Variants in SLC35B1 observed in about 807,000 individuals in gnomAD.
SLC35B1 encodes the protein solute carrier family 35 member B1, also known as ATP/ADP exchanger ER.
In SLC35B1, 27 loss-of-function variants were observed where a neutral mutation model predicts 36.6. That is an observed-to-expected ratio of 0.74 (90% CI 0.54 to 1.02). SLC35B1 has a LOEUF of 1.02. SLC35B1 is among the 50% of genes least tolerant of loss of function. The pLI is 0.00. For synonymous variants in SLC35B1, 162 were observed against 152.5 expected, an observed-to-expected ratio of 1.06 and a Z score of -0.46; for missense variants, 321 against 383.2, an observed-to-expected ratio of 0.84 and a Z score of 1.35.
At position 49,706,346 on chromosome 17, in the gene SLC35B1, C is replaced by CAAAAAAAAAAAAAAAAAAGAGAAAAAA. The variant is rs2073417529; in HGVS notation, c.209-13_209-12insTTTTTTCTCTTTTTTTTTTTTTTTTTT. 1.4e-6 allele frequency: 1 copy of CAAAAAAAAAAAAAAAAAAGAGAAAAAA among 703,146 alleles called. No individual in the cohort carries two copies. The highest frequency in any genetic ancestry group is 1.7e-6 in the Non-Finnish European group (1 of 576,766). 43.6% of individuals were successfully genotyped at this position (703,146 alleles called of 1,614,324 possible). ...AAAAAACTGGATCACTGGGAGAAGA[C>CAAAAAAAAAAAAAAAAAAGAGAAAAAA]AAAAAAAAAAAAAAAAAAAGAAAAG... On this transcript the variant is annotated splice_polypyrimidine_tract_variant and intron_variant, in intron 2 of 8. Transcript: ENST00000240333.
chr17:49,704,123 C>A lies in SLC35B1; in HGVS notation c.632G>T (p.Trp211Leu). Reference protein sequence around the residue: ...SNHMMLNINLWSTLLLGMGIL... With the variant: ...SNHMMLNINLLSTLLLGMGIL... Reference sequence around the variant, plus strand: ...ACCCATTCCCAGCAGCAATGTCGACCAAAGGTTGATGTTCAGCATCATGTG... The same window carrying A: ...ACCCATTCCCAGCAGCAATGTCGACAAAAGGTTGATGTTCAGCATCATGTG... The change falls in exon 6 of 9, where the codon TGG becomes TTG. Residue 211 changes from tryptophan (W) to leucine (L), a missense_variant. By Grantham distance (61) the Trp-to-Leu change is moderately conservative. Coordinates refer to ENST00000240333, the MANE Select transcript of SLC35B1 (RefSeq NM_005827.4). 1 of 1,614,158 alleles carries A rather than the reference C, an allele frequency of 6.2e-7. No homozygotes were observed. The highest frequency in any genetic ancestry group is 8.5e-7 in the Non-Finnish European group (1 of 1,180,018).
Position 49,705,140 on chromosome 17 carries a change from T to TAGCCGACTG in SLC35B1, c.503_511dup (p.Gly170_Tyr171insSerValGly). 1 of 1,614,220 alleles carries TAGCCGACTG rather than the reference T, an allele frequency of 6.2e-7. No individual in the cohort carries two copies. The highest frequency in any genetic ancestry group is 8.5e-7 in the Non-Finnish European group (1 of 1,180,042). On this transcript the variant is annotated inframe_insertion, in exon 5 of 9. Coordinates refer to ENST00000240333, the MANE Select transcript of SLC35B1 (RefSeq NM_005827.4). ...ATCTCATACCAAGAGTAGCTCTCCA[T>TAGCCGACTG]AGCCGACTGTGTGTTCTTCTATCCC...
intron 3 of SLC35B1, 132 bp from the exon 4 acceptor site, chr17:49,706,028 C>T: frequency 3.1e-6 from 4 of 1,283,946 alleles, no homozygotes; most frequent in Non-Finnish European, 4.4e-6. Flanking sequence ...GCAGCCCTAT[C>T]ATGGCCCAAC....
At chr17:49,706,069 C>G in intron 3 of SLC35B1, 135 bp downstream of exon 3, 1 of 1,261,544 alleles carries the variant, frequency 7.9e-7, no homozygotes, top group Non-Finnish European at 1.1e-6. Context: ...TTCTATGGTT[C>G]TATACACTCC....
At chr17:49,708,101 G>T (rs1338387832), upstream of SLC35B1, 4 of 726,506 alleles carry the variant, frequency 5.5e-6, no homozygotes, top group Non-Finnish European at 2.4e-6. Flanking sequence ...GAGGGCCAGG[G>T]GAACCGGCAG....
rs377515355 is a variant in SLC35B1, at chr17:49,701,521, G to C, written c.917-11C>G. The C allele has an allele frequency of 6.2e-7, 1 of 1,612,970 alleles. No homozygotes were observed. The highest frequency in any genetic ancestry group is 8.5e-7 in the Non-Finnish European group (1 of 1,179,212). On this transcript the variant is annotated splice_polypyrimidine_tract_variant and intron_variant, in intron 8 of 8. Coordinates refer to ENST00000240333, the MANE Select transcript of SLC35B1 (RefSeq NM_005827.4). ...CATCAAGACCAAGACCTATGAAAAG[G>C]AAGAAAATGGGCTTAGCCTTATGGG...
intron 4 of SLC35B1, 161 bp from the exon 5 acceptor site, chr17:49,705,442 T>C (rs1396394457): frequency 2.9e-6 from 2 of 699,206 alleles, no homozygotes; most frequent in African/African-American, 3.6e-5. Flanking sequence ...GGCACCTAGA[T>C]AAGGATTGAG....
chr17:49,708,170 T>C, upstream of SLC35B1: 1 of 671,492 alleles, frequency 1.5e-6, no homozygotes, highest in Non-Finnish European at 2.7e-6. Context: ...TGAGGACAAC[T>C]GCGACCCAGA....
chr17:49,703,050 G>A, intron 7 of SLC35B1, 39 bp from the exon 8 acceptor site: 1 of 1,612,638 alleles, frequency 6.2e-7, no homozygotes, highest in Non-Finnish European at 8.5e-7. Flanking sequence ...GGGCTTCTGG[G>A]TATCTGCCAT....
intron 6 of SLC35B1, 67 bp from the exon 7 acceptor site, chr17:49,703,361 CA>C: frequency 2.3e-6 from 2 of 882,922 alleles, no homozygotes; most frequent in Non-Finnish European, 3.8e-6. Flanking sequence ...CACACACACA[CA>C]CACACACACA....
chr17:49,703,120 G>T, intron 7 of SLC35B1, 68 bp downstream of exon 7: 1 of 1,588,874 alleles, frequency 6.3e-7, no homozygotes, highest in South Asian at 1.1e-5. Flanking sequence ...CTTCCAGCCA[G>T]GCCAGTCTTT....
rs2073351198 is a variant in SLC35B1, at chr17:49,701,529, T to C, written c.917-19A>G. The C allele has an allele frequency of 6.2e-7, 1 of 1,612,448 alleles. No homozygotes were observed. The highest frequency in any genetic ancestry group is 1.7e-5 in the Admixed American group (1 of 59,968). ...CCAAGACCTATGAAAAGGAAGAAAA[T>C]GGGCTTAGCCTTATGGGGGGAAATG... On this transcript the variant is annotated intron_variant, in intron 8 of 8. Coordinates refer to ENST00000240333, the MANE Select transcript of SLC35B1 (RefSeq NM_005827.4).
In SLC35B1 at chr17:49,707,924, G is replaced by A. The variant is rs962331336; in HGVS notation, c.-91C>T. On this transcript the variant is annotated 5_prime_UTR_variant, in exon 1 of 9. Coordinates refer to ENST00000240333, the MANE Select transcript of SLC35B1 (RefSeq NM_005827.4). ...GCGACAGCTCCAGCCGGACATCGCCGACCGGCGGCAGGGGCCTCATAGGAG... is the reference window on the plus strand; with the variant it reads ...GCGACAGCTCCAGCCGGACATCGCCAACCGGCGGCAGGGGCCTCATAGGAG... The A allele has an allele frequency of 1.3e-5, 20 of 1,570,780 alleles. No individual in the cohort carries two copies. Among genetic ancestry groups the A allele is most frequent in the Non-Finnish European group, 1.6e-5 (19 of 1,158,006 alleles).
intron 6 of SLC35B1, chr17:49,703,642 C>G: frequency 2.9e-6 from 1 of 344,862 alleles, no homozygotes; most frequent in East Asian, 7.2e-5. Flanking sequence ...TCACCTTCAG[C>G]CATCAGCAGC....
At chr17:49,705,302 G>A (rs1485086806) in intron 4 of SLC35B1, 21 bp from the exon 5 acceptor site, 3 of 1,612,166 alleles carry the variant, frequency 1.9e-6, no homozygotes, top group Non-Finnish European at 2.5e-6. Flanking sequence ...AAAACAGAGT[G>A]GAAAATTCAG....
Position 49,707,184 on chromosome 17 carries a change from CAG to C in SLC35B1, c.105-118_105-117del, listed in dbSNP as rs1294188177. On this transcript the variant is annotated intron_variant, in intron 1 of 8. Coordinates refer to ENST00000240333, the MANE Select transcript of SLC35B1 (RefSeq NM_005827.4). The stretch of plus-strand genomic sequence containing the variant: ...ATTATCTTGCCTCTCTGGATGTAGG[CAG>C]AGTTTGTTAAGGACCACTAGGCTCA... 1.2e-5 allele frequency: 16 copies of C among 1,328,362 alleles called. No individual in the cohort carries two copies. In the African/African-American group the frequency reaches 1.9e-4, roughly 16 times the overall value. 82.3% of individuals were successfully genotyped at this position (1,328,362 alleles called of 1,614,324 possible). A position where few individuals can be genotyped will look rare whatever the true frequency, so the allele number is the denominator to read the frequency against.
rs529557283 is a variant in SLC35B1 at position 49,703,407 on chromosome 17, T to C, written c.656-113A>G. ...TCCTGCACATGGCCTGTTAAAGAAC[T>C]GCAAGGGAGGTGGGACGCGGGAAAG... On this transcript the variant is annotated intron_variant, in intron 6 of 8. Transcript: ENST00000240333. The C allele has an allele frequency of 7.9e-4, 581 of 734,258 alleles. 5 individuals carry two copies. The highest frequency in any genetic ancestry group is 1.0e-3 in the Non-Finnish European group (432 of 411,550). 45.5% of individuals were successfully genotyped at this position (734,258 alleles called of 1,614,324 possible).
intron 6 of SLC35B1, chr17:49,703,580 T>C (rs991233120): frequency 2.5e-6 from 1 of 392,526 alleles, no homozygotes; most frequent in African/African-American, 2.1e-5. Flanking sequence ...CCTCAGATGC[T>C]GTAGAGATGC....
Position 49,707,789 on chromosome 17 carries a change from C to A in SLC35B1, c.45G>T (p.Pro15=). The change falls in exon 1 of 9, where the codon CCG becomes CCT. Residue 15 remains proline, a synonymous_variant. Coordinates refer to ENST00000240333, the MANE Select transcript of SLC35B1 (RefSeq NM_005827.4). ...SSLVPDRLRL[P]LCFLGVFVCY... is the part of the protein sequence containing the mutation. ...AGACAAAGACACCCAGGAAGCAGAG[C>A]GGCAGGCGCAGCCGGTCGGGCACCA... 3.7e-6 allele frequency: 6 copies of A among 1,611,782 alleles called. No individual in the cohort carries two copies. Among genetic ancestry groups the A allele is most frequent in the Non-Finnish European group, 5.1e-6 (6 of 1,179,774 alleles).
Sources: allele counts gnomAD v4.1 joint callset, GRCh38; gene constraint gnomAD v4.1.1; transcripts MANE v1.5; gene names NCBI Gene and HGNC (gene_info 2026-07-23, HGNC 2026-07-21).